Variants in BBS1 observed in about 807,000 individuals in gnomAD.
BBS1 encodes the protein Bardet-Biedl syndrome 1.
Under a neutral mutation model 73.9 loss-of-function variants are expected in BBS1, and 60 were observed. The ratio of observed to expected loss-of-function variants is 0.81; its 90% CI spans 0.66 to 1.01. BBS1 has a LOEUF of 1.01. Ranked by LOEUF, BBS1 falls within the 50% of genes least tolerant of loss-of-function variation. The pLI is 0.00. For synonymous variants in BBS1, 283 were observed against 317.4 expected, an observed-to-expected ratio of 0.89 and a Z score of 1.15; for missense variants, 718 against 770.3, an observed-to-expected ratio of 0.93 and a Z score of 0.80.
At chr11:66,524,637 C>T (rs1244540650) in intron 11 of BBS1, among the ~76,000 whole-genome samples, 1 of 152,180 alleles carries the variant, frequency 6.6e-6, no homozygotes, top group Non-Finnish European at 1.5e-5. Context: ...AGTATGAAGG[C>T]TCTTGATTAA....
rs557739576 is a variant in BBS1 at position 66,529,862 on chromosome 11, A to G, written c.1383A>G (p.Leu461=). 8 of 1,610,600 alleles carry G rather than the reference A, an allele frequency of 5.0e-6. No individual in the cohort carries two copies. The South Asian group carries it at 8.8e-5, about 18-fold the overall frequency. Reference sequence around the variant, plus strand: ...AGACAGACCTATACCTGCTGCGCCTACGTGCTGCCCGCGCCTACCTGCAGG... The same window carrying G: ...AGACAGACCTATACCTGCTGCGCCTGCGTGCTGCCCGCGCCTACCTGCAGG... ...AFQTDLYLLR[L]RAARAYLQAL... Residue 461 remains leucine (L), a synonymous_variant, in exon 14 of 17, where the codon CTA becomes CTG. Coordinates refer to ENST00000318312, the MANE Select transcript of BBS1 (RefSeq NM_024649.5).
In BBS1 at chr11:66,521,257, T is replaced by G. The variant is rs768884336; in HGVS notation, c.724-13T>G. 3.7e-6 allele frequency: 6 copies of G among 1,609,542 alleles called. No homozygotes were observed. In the South Asian group the frequency reaches 6.6e-5, roughly 18 times the overall value. ...TCCAGAGAAATTGGAGTGTTTGCGC[T>G]TCTTGTTTGCAGATGAGCCTTCCCA... On this transcript the variant is annotated splice_polypyrimidine_tract_variant and intron_variant, in intron 8 of 16. Transcript: ENST00000318312.
At chr11:66,510,733 T>G (rs752893120) in intron 1 of BBS1, 27 bp downstream of exon 1, 1 of 1,613,624 alleles carries the variant, frequency 6.2e-7, no homozygotes, top group Non-Finnish European at 8.5e-7. Context: ...TCAAGGCCTC[T>G]TTTCCCACCC....
intron 13 of BBS1, chr11:66,529,201 G>C: frequency 6.8e-7 from 1 of 1,470,582 alleles, no homozygotes; most frequent in Non-Finnish European, 9.0e-7. Context: ...TGGGGGCGGG[G>C]TGGGCCCTGG....
chr11:66,518,459 T>C (rs1856103531), intron 7 of BBS1, among the ~76,000 whole-genome samples: 1 of 149,972 alleles, frequency 6.7e-6, no homozygotes, highest in African/African-American at 2.4e-5. Context: ...GGTTTCTTTT[T>C]TTTTTTTTTT....
At chr11:66,525,330 G>C (rs147827224) in intron 11 of BBS1, among the ~76,000 whole-genome samples, 3,352 of 152,220 alleles carry the variant, frequency 0.022, 61 homozygotes, top group Admixed American at 0.041. Flanking sequence ...CTGCACTCCA[G>C]CCTGGGCCAC....
Position 66,526,818 on chromosome 11 carries a change from G to A in BBS1, c.1339+11G>A, listed in dbSNP as rs371728271. ...GGGAGGCTGGCACCGGTGAGCCTCAGACTGGGTCCTTTCCCTTCTTCCTCC... is the reference window on the plus strand; with the variant it reads ...GGGAGGCTGGCACCGGTGAGCCTCAAACTGGGTCCTTTCCCTTCTTCCTCC... On this transcript the variant is annotated intron_variant, in intron 13 of 16. Transcript: ENST00000318312. The A allele has an allele frequency of 3.1e-6, 5 of 1,614,230 alleles. No individual in the cohort carries two copies. The African/African-American group carries it at 6.7e-5, about 22-fold the overall frequency.
Position 66,519,729 on chromosome 11 carries a change from C to T in BBS1, c.704C>T (p.Ala235Val). 1 of 1,613,492 alleles carries T rather than the reference C, an allele frequency of 6.2e-7. No homozygotes were observed. The highest frequency in any genetic ancestry group is 8.5e-7 in the Non-Finnish European group (1 of 1,179,928). The change falls in exon 8 of 17, where the codon GCC becomes GTC. Residue 235 changes from alanine (A) to valine (V), a missense_variant. Ala to Val is a moderately conservative substitution (Grantham distance 64). Transcript: ENST00000318312. ...NKELLVLDPEAFTILAKMSLP... is the reference protein window; with the variant it reads ...NKELLVLDPEVFTILAKMSLP... Reference sequence around the variant, plus strand: ...GAGCTCCTGGTGCTTGACCCCGAGGCCTTCACCATTTTAGCCAAGGTCAGC... The same window carrying T: ...GAGCTCCTGGTGCTTGACCCCGAGGTCTTCACCATTTTAGCCAAGGTCAGC...
At chr11:66,522,639 C>A (rs1285028254) in intron 9 of BBS1, among the ~76,000 whole-genome samples, 1 of 152,190 alleles carries the variant, frequency 6.6e-6, no homozygotes, top group Admixed American at 6.5e-5. Context: ...AGCCACCACA[C>A]CCGGCCTAAC....
intron 13 of BBS1, among the ~76,000 whole-genome samples, chr11:66,528,587 G>A (rs947706846): frequency 1.8e-4 from 28 of 152,180 alleles, no homozygotes; most frequent in African/African-American, 5.8e-4. Context: ...AAGTCAGAGT[G>A]TGTGAAAGGT....
intron 3 of BBS1, among the ~76,000 whole-genome samples, chr11:66,514,183 G>C (rs1264897325): frequency 6.6e-6 from 1 of 152,210 alleles, no homozygotes. Context: ...TATCTCACTT[G>C]ATTTTCACCA....
Position 66,521,295 on chromosome 11 carries a change from T to G in BBS1, c.749T>G (p.Phe250Cys), listed in dbSNP as rs767109929. 6.2e-7 allele frequency: 1 copy of G among 1,614,090 alleles called. No homozygotes were observed. The highest frequency in any genetic ancestry group is 8.5e-7 in the Non-Finnish European group (1 of 1,180,048). The change falls in exon 9 of 17, where the codon TTC (phenylalanine) becomes TGC (cysteine). Residue 250 changes from phenylalanine (F) to cysteine (C), a missense_variant. By Grantham distance (205) the Phe-to-Cys change is radical. Transcript: ENST00000318312. ...AKMSLPSVPV[F>C]LEVSGQFDVE... is the part of the protein sequence containing the mutation. The stretch of plus-strand genomic sequence containing the variant: ...ATGAGCCTTCCCAGCGTCCCCGTCT[T>G]CCTAGAGGTTTCTGGCCAGTTTGAT...
Position 66,529,908 on chromosome 11 carries a change from C to T in BBS1, c.1429C>T (p.Pro477Ser). Residue 477 changes from proline (P) to serine (S), a missense_variant, in exon 14 of 17, where the codon CCC (proline) becomes TCC (serine). Transcript: ENST00000318312. ...YLQALESSLS[P>S]LSTTAREPLK... is the part of the protein sequence containing the mutation. ...GCAGGCCCTCGAGTCCAGCCTGAGCCCCCTGTCCACGACAGCCCGAGAGCC... is the reference window on the plus strand; with the variant it reads ...GCAGGCCCTCGAGTCCAGCCTGAGCTCCCTGTCCACGACAGCCCGAGAGCC... The T allele has an allele frequency of 6.2e-7, 1 of 1,606,936 alleles. No individual in the cohort carries two copies. Among genetic ancestry groups the T allele is most frequent in the South Asian group, 1.1e-5 (1 of 91,026 alleles).
chr11:66,525,381 AAAAT>A (rs1047451406), intron 11 of BBS1, among the ~76,000 whole-genome samples: 15 of 150,766 alleles, frequency 9.9e-5, no homozygotes, highest in Non-Finnish European at 1.5e-4. Flanking sequence ...CAAAACAACA[AAAAT>A]AAATAAATAA....
chr11:66,511,272 G>A, intron 3 of BBS1, 33 bp downstream of exon 3: 2 of 1,612,182 alleles, frequency 1.2e-6, no homozygotes. Context: ...GAGAGTTGAG[G>A]GTAGGGGGGT....
Position 66,533,441 on chromosome 11 carries a change from C to T in BBS1, c.*1404C>T, listed in dbSNP as rs1025974838. 2 of 152,146 alleles carry T rather than the reference C, an allele frequency of 1.3e-5. No individual in the cohort carries two copies. The highest frequency in any genetic ancestry group is 4.8e-5 in the African/African-American group (2 of 41,434). 9.4% of individuals were successfully genotyped at this position (152,146 alleles called of 1,614,324 possible). A position where few individuals can be genotyped will look rare whatever the true frequency, so the allele number is the denominator to read the frequency against. On this transcript the variant is annotated 3_prime_UTR_variant, in exon 17 of 17. Coordinates refer to ENST00000318312, the MANE Select transcript of BBS1 (RefSeq NM_024649.5). Reference sequence around the variant, plus strand: ...AATCTTAGACATTACCTGTTGACTCCCTGTTGTCATACATGAGGCTTTAGC... The same window carrying T: ...AATCTTAGACATTACCTGTTGACTCTCTGTTGTCATACATGAGGCTTTAGC...
chr11:66,529,386 C>T (rs1161308251), intron 13 of BBS1: 14 of 1,370,262 alleles, frequency 1.0e-5, no homozygotes, highest in African/African-American at 4.3e-5. Flanking sequence ...AGGAGGCAGG[C>T]GAGGGTGCTC....
chr11:66,525,951 A>G (rs1438408750), intron 11 of BBS1, among the ~76,000 whole-genome samples, 172 bp from the exon 12 acceptor site: 1 of 152,166 alleles, frequency 6.6e-6, no homozygotes, highest in Admixed American at 6.6e-5. Context: ...GAACTGAGGT[A>G]GTGAGATTGG....
chr11:66,514,412 G>A lies in BBS1; in HGVS notation c.166G>A (p.Val56Ile), dbSNP rs766553514. 2 of 1,614,076 alleles carry A rather than the reference G, an allele frequency of 1.2e-6. No homozygotes were observed. The highest frequency in any genetic ancestry group is 3.3e-5 in the Admixed American group (2 of 60,008). ...LHGDGEYKLV[V>I]GDLGPGGQQP... ...AGCCATCCTCTCCCTGCAGCTGGTG[G>A]TAGGGGACCTTGGCCCTGGTGGGCA... Residue 56 changes from valine to isoleucine, a missense_variant, in exon 4 of 17, where the codon GTA becomes ATA. Coordinates refer to ENST00000318312, the MANE Select transcript of BBS1 (RefSeq NM_024649.5).
Sources: gnomAD v4.1 joint callset for allele counts (sites outside exome capture counted in the v4.1 genomes callset) on GRCh38, gnomAD v4.1.1 for gene constraint, MANE v1.5 for transcripts, NCBI Gene and HGNC (gene_info 2026-07-23, HGNC 2026-07-21) for gene names.